The following MARCHF8 variants were observed in gnomAD, a reference collection of about 807,000 sequenced individuals.
MARCHF8 encodes the protein E3 ubiquitin-protein ligase MARCHF8.
A neutral mutation model predicts 51.6 loss-of-function variants in MARCHF8; 40 were observed. The observed-to-expected ratio is 0.77, with a 90% CI of 0.60 to 1.01. The LOEUF (loss-of-function observed/expected upper bound fraction) is 1.01. Among genes scored for constraint, MARCHF8 ranks in the 50% least tolerant of loss-of-function variants. The probability of loss-of-function intolerance (pLI) is 0.00; values close to 1 mark genes in which losing one functional copy is unlikely to be tolerated. For synonymous variants in MARCHF8, 263 were observed against 280.3 expected (o/e 0.94, Z 0.62); for missense variants, 685 against 708.6 (o/e 0.97, Z 0.38).
intron 1 of MARCHF8, among the ~76,000 whole-genome samples, chr10:45,592,034 C>T (rs2044687001): frequency 6.6e-6 from 1 of 152,144 alleles, no homozygotes; most frequent in South Asian, 2.1e-4. Flanking sequence ...GTTTTAACTC[C>T]TCTATCAGAA....
At chr10:45,459,765 C>G in intron 6 of MARCHF8, 1 of 985,448 alleles carries the variant, frequency 1.0e-6, no homozygotes, top group Non-Finnish European at 1.2e-6. Context: ...ACTTTGGCAG[C>G]AACAGCTCGA....
intron 3 of MARCHF8, among the ~76,000 whole-genome samples, chr10:45,477,228 C>G (rs1287720568): frequency 6.6e-6 from 1 of 152,002 alleles, no homozygotes; most frequent in Non-Finnish European, 1.5e-5. Context: ...GCCAAAGATA[C>G]TATATCCATC....
intron 2 of MARCHF8, among the ~76,000 whole-genome samples, chr10:45,530,653 G>A (rs1229244113): frequency 6.6e-6 from 1 of 152,100 alleles, no homozygotes; most frequent in African/African-American, 2.4e-5. Context: ...ATGGTCTATA[G>A]TGCCAGCTAC....
chr10:45,538,461 T>C (rs200378197), upstream of MARCHF8, among the ~76,000 whole-genome samples: 7 of 152,096 alleles, frequency 4.6e-5, no homozygotes, highest in Non-Finnish European at 7.4e-5. Flanking sequence ...AATTCACACA[T>C]AACAATATTA....
upstream of MARCHF8, among the ~76,000 whole-genome samples, chr10:45,539,485 A>G (rs2044020743): frequency 1.3e-5 from 2 of 152,358 alleles, no homozygotes; most frequent in South Asian, 4.1e-4. Flanking sequence ...GAAGTGAAGG[A>G]AATAGAGACA....
intron 3 of MARCHF8, among the ~76,000 whole-genome samples, chr10:45,476,360 T>G (rs976230155): frequency 2.6e-5 from 4 of 152,218 alleles, no homozygotes; most frequent in Non-Finnish European, 5.9e-5. Context: ...GGCTAGGAGT[T>G]CGAGACCAGT....
chr10:45,493,365 T>G (rs2043118533), intron 2 of MARCHF8, among the ~76,000 whole-genome samples: 1 of 152,198 alleles, frequency 6.6e-6, no homozygotes, highest in Non-Finnish European at 1.5e-5. Context: ...GCTTACTGGA[T>G]ACCACCACCT....
At chr10:45,576,974 G>GAAAA (rs58593536) in intron 1 of MARCHF8, among the ~76,000 whole-genome samples, 2 of 120,408 alleles carry the variant, frequency 1.7e-5, no homozygotes, top group African/African-American at 6.1e-5. Context: ...AAAGAGAAAA[G>GAAAA]AAAAAAAAAA....
chr10:45,496,315 A>G (rs2133117892), intron 2 of MARCHF8, among the ~76,000 whole-genome samples: 1 of 152,296 alleles, frequency 6.6e-6, no homozygotes, highest in East Asian at 1.9e-4. Flanking sequence ...TATAAAAACT[A>G]TGTTTATAAT....
chr10:45,558,783 G>C (rs1013539849), intron 1 of MARCHF8, among the ~76,000 whole-genome samples: 2 of 152,140 alleles, frequency 1.3e-5, no homozygotes, highest in African/African-American at 2.4e-5. Flanking sequence ...GGAGAAAATG[G>C]GAGCAGAGGT....
At chr10:45,459,031 T>G in intron 7 of MARCHF8, 89 bp downstream of exon 7, 36 of 1,543,158 alleles carry the variant, frequency 2.3e-5, no homozygotes, top group Non-Finnish European at 1.7e-5. Context: ...ACCCAGACGT[T>G]TTTGGCTAAC....
rs1327005760 is a variant in MARCHF8 at position 45,463,507 on chromosome 10, T to A, written c.732A>T (p.Glu244Asp). 1 of 1,550,644 alleles carries A rather than the reference T, an allele frequency of 6.4e-7. No individual in the cohort carries two copies. Among genetic ancestry groups the A allele is most frequent in the East Asian group, 2.4e-5 (1 of 40,920 alleles). ...ACGTGGCCTCACCATCCGCCTTCTC[T>A]TCCAGCAGCAGGCCGGGCCTGCCCC... ...GKGGRPGLLL[E>D]EKADGEATSR... Residue 244 changes from glutamate to aspartate, a missense_variant, in exon 5 of 8, where the codon GAA (glutamate) becomes GAT (aspartate). Physicochemically the swap from Glu to Asp is conservative, Grantham distance 45. Transcript: ENST00000453424.
chr10:45,457,103 C>G lies in MARCHF8; in HGVS notation c.*1136G>C, dbSNP rs541695594. Reference sequence around the variant, plus strand: ...GCAGAAGCCTCACAGTGGGCCAGCACCCATCTTGCATGCAAGGGAGAACCT... The same window carrying G: ...GCAGAAGCCTCACAGTGGGCCAGCAGCCATCTTGCATGCAAGGGAGAACCT... On this transcript the variant is annotated 3_prime_UTR_variant, in exon 8 of 8. Transcript: ENST00000453424. The G allele has an allele frequency of 2.0e-5, 3 of 152,268 alleles. No homozygotes were observed. Among genetic ancestry groups the G allele is most frequent in the African/African-American group, 7.2e-5 (3 of 41,422 alleles). 9.4% of individuals were successfully genotyped at this position (152,268 alleles called of 1,614,324 possible). A position where few individuals can be genotyped will look rare whatever the true frequency, so the allele number is the denominator to read the frequency against.
At chr10:45,478,580 AGATC>A (rs2042827687) in intron 3 of MARCHF8, among the ~76,000 whole-genome samples, 1 of 151,188 alleles carries the variant, frequency 6.6e-6, no homozygotes, top group Admixed American at 6.6e-5. Flanking sequence ...AAAAAAAAAA[AGATC>A]AATGAAACAA....
At chr10:45,531,843 T>C (rs2043891474) in intron 2 of MARCHF8, among the ~76,000 whole-genome samples, 3 of 152,186 alleles carry the variant, frequency 2.0e-5, no homozygotes, top group Admixed American at 6.6e-5. Flanking sequence ...TCAGAAATCA[T>C]AGCAAAAGAT....
chr10:45,469,487 T>C (rs1324525640), intron 3 of MARCHF8, among the ~76,000 whole-genome samples: 1 of 152,180 alleles, frequency 6.6e-6, no homozygotes, highest in African/African-American at 2.4e-5. Flanking sequence ...TATGTCAGAA[T>C]GTATCTGACA....
intron 1 of MARCHF8, among the ~76,000 whole-genome samples, chr10:45,544,669 A>C (rs1193118168): frequency 1.3e-5 from 2 of 152,198 alleles, no homozygotes; most frequent in Non-Finnish European, 2.9e-5. Flanking sequence ...GAGAAGGCAG[A>C]TCAGTGATTG....
At chr10:45,466,516 GCTGGGTCAAGCATACTCCCTGGAA>G (rs1842973835) in intron 3 of MARCHF8, among the ~76,000 whole-genome samples, 1 of 152,258 alleles carries the variant, frequency 6.6e-6, no homozygotes, top group Admixed American at 6.5e-5. Flanking sequence ...CCTCTGTGTT[GCTGGGTCAAGCATACTCCCTGGAA>G]CTGATGAGGC....
At chr10:45,565,456 T>C (rs536224751) in intron 1 of MARCHF8, among the ~76,000 whole-genome samples, 1 of 151,850 alleles carries the variant, frequency 6.6e-6, no homozygotes, top group African/African-American at 2.4e-5. Context: ...TATAAACATA[T>C]ATGACAACAA....
Sources: gnomAD v4.1 joint callset for allele counts (sites outside exome capture counted in the v4.1 genomes callset) on GRCh38, gnomAD v4.1.1 for gene constraint, MANE v1.5 for transcripts, NCBI Gene and HGNC (gene_info 2026-07-23, HGNC 2026-07-21) for gene names.